Variants in WDR7 observed in about 807,000 individuals in gnomAD.
The protein encoded by WDR7 is WD repeat domain 7.
In WDR7, 46 loss-of-function variants were observed where a neutral mutation model predicts 169.4. The ratio of observed to expected loss-of-function variants is 0.27; its 90% confidence interval spans 0.21 to 0.35. WDR7 has a LOEUF of 0.35. Ranked by LOEUF, WDR7 falls within the 10% of genes least tolerant of loss-of-function variation. The pLI is 1.00. For missense variants in WDR7, 1,534 were observed against 1,859.3 expected, an observed-to-expected ratio of 0.83 and a Z score of 3.22; for synonymous variants, 612 against 666.8, an observed-to-expected ratio of 0.92 and a Z score of 1.27.
chr18:56,998,290 C>T (rs1434013440), intron 26 of WDR7, among the ~76,000 whole-genome samples: 2 of 152,172 alleles, frequency 1.3e-5, no homozygotes, highest in Non-Finnish European at 2.9e-5. Context: ...CCAGGATTTT[C>T]ACTGGGCATC....
chr18:56,990,498 G>T (rs866718981), intron 26 of WDR7, among the ~76,000 whole-genome samples: 1 of 152,080 alleles, frequency 6.6e-6, no homozygotes. Context: ...GATTTCTAAG[G>T]TTTTCTTTCA....
At chr18:56,939,170 A>T in intron 24 of WDR7, 141 bp from the exon 25 acceptor site, 1 of 541,448 alleles carries the variant, frequency 1.8e-6, no homozygotes, top group Non-Finnish European at 3.1e-6. Flanking sequence ...CACATGGCTT[A>T]AATTGCTTTT....
chr18:56,862,723 G>A (rs2045825537), intron 20 of WDR7, among the ~76,000 whole-genome samples: 1 of 151,828 alleles, frequency 6.6e-6, no homozygotes, highest in Non-Finnish European at 1.5e-5. Context: ...TTTGCATGCA[G>A]AAGATGTACC....
At chr18:56,710,108 A>G (rs1239959323) in intron 12 of WDR7, among the ~76,000 whole-genome samples, 23 of 147,642 alleles carry the variant, frequency 1.6e-4, no homozygotes, top group Admixed American at 1.5e-3. Flanking sequence ...GGTTCATGCC[A>G]TTCTCCTGCC....
intron 5 of WDR7, among the ~76,000 whole-genome samples, chr18:56,685,056 A>G (rs1206632450): frequency 6.6e-6 from 1 of 152,226 alleles, no homozygotes; most frequent in Non-Finnish European, 1.5e-5. Flanking sequence ...TGTAGTCTGA[A>G]CAGAATAGAC....
intron 19 of WDR7, among the ~76,000 whole-genome samples, chr18:56,798,727 T>C: frequency 1.3e-5 from 2 of 152,334 alleles, no homozygotes; most frequent in South Asian, 4.1e-4. Flanking sequence ...TTGCTATTGC[T>C]TTATAAAAGT....
intron 14 of WDR7, among the ~76,000 whole-genome samples, chr18:56,732,143 A>G (rs1281882056): frequency 1.3e-5 from 2 of 152,238 alleles, no homozygotes; most frequent in African/African-American, 2.4e-5. Context: ...TTAATAAAGT[A>G]TAAGTTACTT....
At chr18:56,679,469 C>T in intron 3 of WDR7, 31 bp downstream of exon 3, 3 of 1,546,476 alleles carry the variant, frequency 1.9e-6, no homozygotes, top group Non-Finnish European at 1.8e-6. Flanking sequence ...CTCTTTTTCT[C>T]ATGAGTCTTT....
intron 25 of WDR7, among the ~76,000 whole-genome samples, chr18:56,960,722 A>C (rs1039408116): frequency 2.0e-4 from 31 of 152,078 alleles, no homozygotes; most frequent in Non-Finnish European, 3.8e-4. Context: ...TTTCATTTTC[A>C]AATGTGAGAA....
downstream of WDR7, chr18:57,032,825 A>ATATATATATATATG (rs2048449460): frequency 9.7e-5 from 12 of 123,768 alleles, no homozygotes; most frequent in African/African-American, 4.1e-4. Flanking sequence ...ATATATATAT[A>ATATATATATATATG]TATATATATA....
chr18:56,748,511 C>A (rs954464919), intron 14 of WDR7, among the ~76,000 whole-genome samples: 4 of 152,042 alleles, frequency 2.6e-5, no homozygotes, highest in African/African-American at 9.7e-5. Context: ...AAAGGCATGA[C>A]CTAAACATCT....
At chr18:56,956,609 A>G (rs2047254042) in intron 25 of WDR7, among the ~76,000 whole-genome samples, 1 of 152,156 alleles carries the variant, frequency 6.6e-6, no homozygotes, top group Non-Finnish European at 1.5e-5. Flanking sequence ...TCAAAGTGAC[A>G]TGTACATTGC....
At chr18:56,809,813 A>G (rs940499322) in intron 19 of WDR7, among the ~76,000 whole-genome samples, 1 of 152,006 alleles carries the variant, frequency 6.6e-6, no homozygotes, top group Non-Finnish European at 1.5e-5. Context: ...TTGGAAGTAT[A>G]TATATATATA....
At chr18:56,879,817 T>A in intron 20 of WDR7, 127 bp from the exon 21 acceptor site, 2 of 625,128 alleles carry the variant, frequency 3.2e-6, no homozygotes, top group Non-Finnish European at 2.7e-6. Flanking sequence ...TGAGTAACCA[T>A]TTGTCCTAGT....
At chr18:56,838,644 G>T (rs535978386) in intron 20 of WDR7, among the ~76,000 whole-genome samples, 17 of 152,228 alleles carry the variant, frequency 1.1e-4, no homozygotes, top group Non-Finnish European at 2.2e-4. Flanking sequence ...TATACTCAAA[G>T]CTGGGAAAAA....
intron 20 of WDR7, among the ~76,000 whole-genome samples, chr18:56,817,789 A>G (rs1201883085): frequency 6.7e-6 from 1 of 149,194 alleles, no homozygotes; most frequent in African/African-American, 2.5e-5. Context: ...TTTGTTGCCC[A>G]GGTTGGGGTG....
downstream of WDR7, chr18:57,031,732 A>AT (rs1233116805): frequency 1.3e-5 from 2 of 152,216 alleles, no homozygotes; most frequent in Non-Finnish European, 2.9e-5. Flanking sequence ...ATATTCTGAG[A>AT]TTTCCCAGAG....
chr18:56,734,597 A>C (rs1235632446), intron 14 of WDR7, among the ~76,000 whole-genome samples: 2 of 148,754 alleles, frequency 1.3e-5, no homozygotes, highest in Non-Finnish European at 3.0e-5. Context: ...TCCCTTCCCT[A>C]CCCTTGTTTT....
At chr18:56,818,811 A>T (rs56073270) in intron 20 of WDR7, among the ~76,000 whole-genome samples, 18,292 of 152,146 alleles carry the variant, frequency 0.12, 1,614 homozygotes, top group African/African-American at 0.25. Context: ...AGCCAGTACT[A>T]CAAAAGGGAA....
Sources: allele counts gnomAD v4.1 joint callset (sites outside exome capture counted in the v4.1 genomes callset), GRCh38; gene constraint gnomAD v4.1.1; transcripts MANE v1.5; gene names NCBI Gene and HGNC (gene_info 2026-07-23, HGNC 2026-07-21).